The following AK4 variants were observed in gnomAD, a reference collection of about 807,000 sequenced individuals.
The protein encoded by AK4 is adenylate kinase 4, mitochondrial.
In AK4, 13 loss-of-function variants were observed where a neutral mutation model predicts 24.6. The observed-to-expected ratio is 0.53, with a 90% CI of 0.34 to 0.84. The LOEUF is 0.84. Among genes scored for constraint, AK4 ranks in the 40% least tolerant of loss-of-function variants. The probability of loss-of-function intolerance (pLI) is 0.01; values close to 1 mark genes in which losing one functional copy is unlikely to be tolerated. For missense variants in AK4, 192 were observed against 288.2 expected, an observed-to-expected ratio of 0.67 and a Z score of 2.42; for synonymous variants, 88 against 107.0, an observed-to-expected ratio of 0.82 and a Z score of 1.10.
intron 2 of AK4, among the ~76,000 whole-genome samples, chr1:65,202,397 AAAAAT>A (rs1165575284): frequency 2.0e-5 from 3 of 152,340 alleles, no homozygotes; most frequent in East Asian, 3.9e-4. Context: ...ACTCCGTCTC[AAAAAT>A]AAAATAAAAT....
At chr1:65,158,509 T>C (rs1046687144) in intron 1 of AK4, among the ~76,000 whole-genome samples, 3 of 152,220 alleles carry the variant, frequency 2.0e-5, no homozygotes, top group Admixed American at 1.3e-4. Flanking sequence ...ACTAGATTTT[T>C]TTTTTCTTTG....
intron 1 of AK4, among the ~76,000 whole-genome samples, chr1:65,179,663 A>AC (rs1473872345): frequency 2.0e-5 from 3 of 151,582 alleles, no homozygotes; most frequent in Non-Finnish European, 2.9e-5. Context: ...ACATGATGAG[A>AC]CCCCCATCTC....
chr1:65,202,934 C>G (rs1448745253), intron 2 of AK4, among the ~76,000 whole-genome samples: 1 of 54,926 alleles, frequency 1.8e-5, no homozygotes, highest in Non-Finnish European at 3.5e-5. Flanking sequence ...TGTAGTGGCA[C>G]CATCATAGCT....
intron 2 of AK4, among the ~76,000 whole-genome samples, chr1:65,213,238 A>G (rs12093622): frequency 0.041 from 6,267 of 152,292 alleles, 258 homozygotes; most frequent in African/African-American, 0.11. Flanking sequence ...CTGTAACCCA[A>G]ATGAAACCTC....
chr1:65,180,836 C>T (rs564341118), intron 1 of AK4, among the ~76,000 whole-genome samples: 1 of 152,192 alleles, frequency 6.6e-6, no homozygotes, highest in African/African-American at 2.4e-5. Flanking sequence ...GTGTGCACTG[C>T]CATTATTAGT....
chr1:65,191,984 C>T (rs1255858432), intron 2 of AK4, among the ~76,000 whole-genome samples: 2 of 152,130 alleles, frequency 1.3e-5, no homozygotes, highest in Middle Eastern at 3.2e-3. Context: ...GGTACTACAG[C>T]CCCAGGGTTT....
intron 1 of AK4, 90 bp from the exon 2 acceptor site, chr1:65,190,620 A>T (rs1651273729): frequency 4.9e-6 from 7 of 1,440,366 alleles, no homozygotes; most frequent in Non-Finnish European, 6.6e-6. Context: ...CACATCAGGA[A>T]GGATGGAGAG....
In AK4 at chr1:65,190,691, T is replaced by G; in HGVS notation, c.146-19T>G. The G allele has an allele frequency of 5.6e-6, 9 of 1,604,050 alleles. No homozygotes were observed. The highest frequency in any genetic ancestry group is 7.6e-6 in the Non-Finnish European group (9 of 1,177,262). Reference sequence around the variant, plus strand: ...GGAAATTTTCTTGAATACCTCTTTTTTTCTTGTCTTTTTAATAGAAGTTGG... The same window carrying G: ...GGAAATTTTCTTGAATACCTCTTTTGTTCTTGTCTTTTTAATAGAAGTTGG... On this transcript the variant is annotated intron_variant, in intron 1 of 4. Transcript: ENST00000327299.
intron 3 of AK4, among the ~76,000 whole-genome samples, chr1:65,219,845 A>G (rs1171080469): frequency 6.6e-6 from 1 of 152,212 alleles, no homozygotes; most frequent in Non-Finnish European, 1.5e-5. Context: ...ACTGCATTAT[A>G]CAGAATAGTT....
chr1:65,161,155 G>A (rs1169115494), intron 1 of AK4, among the ~76,000 whole-genome samples: 1 of 151,966 alleles, frequency 6.6e-6, no homozygotes, highest in Non-Finnish European at 1.5e-5. Context: ...ATGATCAAAA[G>A]GACCAAAGGG....
At position 65,185,471 on chromosome 1, in the gene AK4, T is replaced by A. The variant is rs118166803; in HGVS notation, c.146-5239T>A. Among the ~76,000 whole-genome samples the A allele has an allele frequency of 3.3e-3, 506 of 152,248 alleles. 3 individuals carry two copies. The highest frequency in any genetic ancestry group is 0.022 in the Admixed American group (338 of 15,278). Reference sequence around the variant, plus strand: ...CTTTGACTGTCAGTGCTTGAAGAAGTTCTTCCAGGTATACCAAAGGGCCCC... The same window carrying A: ...CTTTGACTGTCAGTGCTTGAAGAAGATCTTCCAGGTATACCAAAGGGCCCC... On this transcript the variant is annotated intron_variant, in intron 1 of 4. Transcript: ENST00000327299.
intron 1 of AK4, among the ~76,000 whole-genome samples, chr1:65,165,341 T>C (rs1158479851): frequency 6.6e-6 from 1 of 152,094 alleles, no homozygotes; most frequent in Non-Finnish European, 1.5e-5. Flanking sequence ...GAAAGCAGGG[T>C]ATTTTTGATG....
intron 2 of AK4, among the ~76,000 whole-genome samples, chr1:65,201,702 C>T (rs548309511): frequency 3.3e-5 from 5 of 152,090 alleles, no homozygotes; most frequent in African/African-American, 4.8e-5. Context: ...TGATGGCTGG[C>T]GCAGAGAGGG....
chr1:65,205,525 A>G (rs185604021), intron 2 of AK4, among the ~76,000 whole-genome samples: 6 of 152,262 alleles, frequency 3.9e-5, no homozygotes, highest in Admixed American at 3.3e-4. Context: ...GTGAGCCACT[A>G]TGCACAGCCC....
chr1:65,210,293 G>C (rs561971554), intron 2 of AK4, among the ~76,000 whole-genome samples: 1 of 152,096 alleles, frequency 6.6e-6, no homozygotes, highest in South Asian at 2.1e-4. Flanking sequence ...CACCACACTC[G>C]CCCTGAAAGT....
rs532806052 is a variant in AK4 at position 65,229,239 on chromosome 1, A to G, written c.*3062A>G. On this transcript the variant is annotated 3_prime_UTR_variant, in exon 5 of 5. Coordinates refer to ENST00000327299, the MANE Select transcript of AK4 (RefSeq NM_013410.4). ...GCCTTGAGTCTGCTTGGTTCTGCTT[A>G]TGGCCTCACATCAAGAAATGGAGCT... The G allele has an allele frequency of 3.3e-5, 5 of 152,124 alleles. No homozygotes were observed. Among genetic ancestry groups the G allele is most frequent in the Non-Finnish European group, 7.4e-5 (5 of 68,026 alleles). The allele number at this position is 152,124 out of a possible 1,614,324, so 9.4% of individuals were successfully genotyped here.
intron 2 of AK4, among the ~76,000 whole-genome samples, chr1:65,212,806 T>C (rs916580525): frequency 6.6e-6 from 1 of 152,252 alleles, no homozygotes; most frequent in African/African-American, 2.4e-5. Context: ...AGATGTCATA[T>C]GCATTGTGCT....
At chr1:65,188,748 G>A (rs931032626) in intron 1 of AK4, among the ~76,000 whole-genome samples, 2 of 151,416 alleles carry the variant, frequency 1.3e-5, no homozygotes, top group African/African-American at 4.9e-5. Flanking sequence ...AAAGTGCTGG[G>A]ATTACAGGCG....
At chr1:65,200,103 T>TTTTTGTTTTG (rs10676984) in intron 2 of AK4, among the ~76,000 whole-genome samples, 5,866 of 149,768 alleles carry the variant, frequency 0.039, 215 homozygotes, top group South Asian at 0.12. Flanking sequence ...AGGTAACAGG[T>TTTTTGTTTTG]TTTTGTTTTG....
Sources: allele counts gnomAD v4.1 joint callset (sites outside exome capture counted in the v4.1 genomes callset), GRCh38; gene constraint gnomAD v4.1.1; transcripts MANE v1.5; gene names NCBI Gene and HGNC (gene_info 2026-07-23, HGNC 2026-07-21).